AP4S1: variants seen among roughly 807,000 people sequenced by gnomAD.
AP4S1 encodes the protein adaptor related protein complex 4 subunit sigma 1.
A neutral mutation model predicts 19.8 loss-of-function variants in AP4S1; 23 were observed. The ratio of observed to expected loss-of-function variants is 1.16; its 90% CI spans 0.84 to 1.65. The LOEUF is 1.65. AP4S1 is among the 40% of genes most tolerant of loss of function. The probability of loss-of-function intolerance (pLI) is 0.00; values close to 1 mark genes in which losing one functional copy is unlikely to be tolerated. For missense variants in AP4S1, 166 were observed against 172.8 expected (o/e 0.96, Z 0.22); for synonymous variants, 46 against 54.1 (o/e 0.85, Z 0.66).
chr14:31,060,932 C>T (rs1245738881), intron 1 of AP4S1, among the ~76,000 whole-genome samples: 3 of 152,020 alleles, frequency 2.0e-5, no homozygotes, highest in Non-Finnish European at 4.4e-5. Flanking sequence ...CTCTGTCACC[C>T]AGGCTGCAGT....
chr14:31,036,385 T>C (rs1884777720), intron 1 of AP4S1, among the ~76,000 whole-genome samples: 1 of 152,064 alleles, frequency 6.6e-6, no homozygotes, highest in Non-Finnish European at 1.5e-5. Flanking sequence ...ACCTGGCCCA[T>C]ATTTTTTATT....
intron 1 of AP4S1, among the ~76,000 whole-genome samples, chr14:31,043,001 A>G (rs773156743): frequency 1.3e-5 from 2 of 152,150 alleles, no homozygotes; most frequent in Non-Finnish European, 2.9e-5. Context: ...CGGGTGGATC[A>G]CCTGAGGCCA....
At chr14:31,090,866 T>C (rs1347513306) in intron 5 of AP4S1, among the ~76,000 whole-genome samples, 1 of 152,222 alleles carries the variant, frequency 6.6e-6, no homozygotes, top group Non-Finnish European at 1.5e-5. Flanking sequence ...ATTTGGTCTG[T>C]AGTTTCCCCA....
intron 1 of AP4S1, among the ~76,000 whole-genome samples, chr14:31,028,324 G>T (rs1594616227): frequency 1.3e-5 from 2 of 152,048 alleles, no homozygotes; most frequent in South Asian, 2.1e-4. Context: ...CTCCAGGTGT[G>T]CATCCACCAA....
At chr14:31,054,274 T>C (rs1302156401) in intron 1 of AP4S1, among the ~76,000 whole-genome samples, 1 of 152,212 alleles carries the variant, frequency 6.6e-6, no homozygotes, top group Non-Finnish European at 1.5e-5. Flanking sequence ...TTATAACCCA[T>C]AGTATAAAAT....
chr14:31,083,193 A>G (rs1323437790), intron 5 of AP4S1, among the ~76,000 whole-genome samples: 1 of 152,196 alleles, frequency 6.6e-6, no homozygotes, highest in Non-Finnish European at 1.5e-5. Flanking sequence ...GAGCTCCAGC[A>G]TTCTTGTTTG....
intron 2 of AP4S1, among the ~76,000 whole-genome samples, 194 bp from the exon 3 acceptor site, chr14:31,069,649 C>T (rs1330717948): frequency 1.3e-5 from 2 of 152,190 alleles, no homozygotes; most frequent in African/African-American, 2.4e-5. Context: ...CAATACTTCT[C>T]CAGTTTCCAC....
At chr14:31,045,526 C>T (rs1885346590) in intron 1 of AP4S1, among the ~76,000 whole-genome samples, 1 of 152,136 alleles carries the variant, frequency 6.6e-6, no homozygotes, top group African/African-American at 2.4e-5. Context: ...TTACTTGCTT[C>T]CCCGTCGCCT....
chr14:31,043,714 C>T (rs938718129), intron 1 of AP4S1, among the ~76,000 whole-genome samples: 22 of 152,088 alleles, frequency 1.4e-4, no homozygotes, highest in African/African-American at 4.6e-4. Flanking sequence ...TTGTTATGTA[C>T]AAACATAATA....
At chr14:31,091,394 A>G (rs1177687885) in intron 5 of AP4S1, among the ~76,000 whole-genome samples, 1 of 152,042 alleles carries the variant, frequency 6.6e-6, no homozygotes, top group African/African-American at 2.4e-5. Flanking sequence ...TGTCTCACCT[A>G]AGTTCTGGCT....
At chr14:31,031,434 A>G (rs1328625405) in intron 1 of AP4S1, among the ~76,000 whole-genome samples, 1 of 152,180 alleles carries the variant, frequency 6.6e-6, no homozygotes, top group Non-Finnish European at 1.5e-5. Flanking sequence ...TGTTTGATGA[A>G]TAACTCAAAT....
chr14:31,029,628 G>GA (rs1884265418), intron 1 of AP4S1, among the ~76,000 whole-genome samples: 1 of 151,954 alleles, frequency 6.6e-6, no homozygotes, highest in Admixed American at 6.6e-5. Flanking sequence ...GACCAACCTG[G>GA]GCAACATGGC....
Position 31,094,744 on chromosome 14 carries a change from A to T in AP4S1, c.*1709A>T, listed in dbSNP as rs913826566. ...TCTCTACAAAAAATAAATAGGTGTG[A>T]TGGCTCATGCCTGTAATCCTAGTAC... On this transcript the variant is annotated 3_prime_UTR_variant, in exon 6 of 6. Transcript: ENST00000542754. 6.6e-6 allele frequency: 1 copy of T among 152,202 alleles called. No homozygotes were observed. Among genetic ancestry groups the T allele is most frequent in the Admixed American group, 6.6e-5 (1 of 15,264 alleles). 9.4% of individuals were successfully genotyped at this position (152,202 alleles called of 1,614,324 possible). A position where few individuals can be genotyped will look rare whatever the true frequency, so the allele number is the denominator to read the frequency against.
intron 1 of AP4S1, among the ~76,000 whole-genome samples, chr14:31,057,294 T>C (rs1886173279): frequency 6.6e-6 from 1 of 152,200 alleles, no homozygotes; most frequent in African/African-American, 2.4e-5. Context: ...CCCTGCTTCC[T>C]AACCTACAAC....
chr14:31,086,009 T>C (rs182627476), intron 5 of AP4S1: 37 of 196,990 alleles, frequency 1.9e-4, no homozygotes, highest in Non-Finnish European at 2.9e-4. Context: ...AGAATGATGG[T>C]GTGCAGGCAA....
chr14:31,085,317 G>T, intron 5 of AP4S1: 5 of 996,592 alleles, frequency 5.0e-6, no homozygotes, highest in Non-Finnish European at 6.0e-6. Flanking sequence ...GGGCAGGAAT[G>T]ATAAGAAGGC....
chr14:31,064,477 A>G (rs1311632575), intron 1 of AP4S1, among the ~76,000 whole-genome samples: 2 of 152,204 alleles, frequency 1.3e-5, no homozygotes, highest in East Asian at 3.9e-4. Flanking sequence ...GTGCACCACC[A>G]TGCCTAGTTA....
chr14:31,060,908 G>C (rs1335363280), intron 1 of AP4S1, among the ~76,000 whole-genome samples: 1 of 149,224 alleles, frequency 6.7e-6, no homozygotes, highest in Non-Finnish European at 1.5e-5. Context: ...TTTTCTTTTT[G>C]AGACAGAGTC....
intron 1 of AP4S1, among the ~76,000 whole-genome samples, chr14:31,061,742 A>G (rs563203355): frequency 7.9e-5 from 12 of 151,982 alleles, no homozygotes; most frequent in African/African-American, 2.9e-4. Context: ...TCCCGGGTTC[A>G]AGTGATTCTC....
Sources: gnomAD v4.1 joint callset for allele counts (sites outside exome capture counted in the v4.1 genomes callset) on GRCh38, gnomAD v4.1.1 for gene constraint, MANE v1.5 for transcripts, NCBI Gene and HGNC (gene_info 2026-07-23, HGNC 2026-07-21) for gene names.